Variants in RAB11FIP4 observed in about 807,000 individuals in gnomAD.
The protein encoded by RAB11FIP4 is rab11 family-interacting protein 4.
Under a neutral mutation model 74.3 loss-of-function variants are expected in RAB11FIP4, and 23 were observed. The ratio of observed to expected loss-of-function variants is 0.31; its 90% confidence interval spans 0.22 to 0.44. The LOEUF (loss-of-function observed/expected upper bound fraction) is 0.44. RAB11FIP4 is among the 20% of genes least tolerant of loss of function. The pLI is 1.00. For synonymous variants in RAB11FIP4, 360 were observed against 359.9 expected (o/e 1.00, Z 0.00); for missense variants, 630 against 863.9 (o/e 0.73, Z 3.39).
chr17:31,445,530 T>TA (rs2071443149), intron 3 of RAB11FIP4, among the ~76,000 whole-genome samples: 462 of 36,620 alleles, frequency 0.013, 15 homozygotes, highest in Non-Finnish European at 0.015. Flanking sequence ...ATTTTCCCAA[T>TA]TTTATATATA....
intron 1 of RAB11FIP4, chr17:31,392,799 A>ATGGGGAC (rs1439222365): frequency 1.3e-5 from 2 of 152,342 alleles, no homozygotes; most frequent in East Asian, 3.8e-4. Flanking sequence ...TGCCACCGGC[A>ATGGGGAC]TGGGGACTGG....
At chr17:31,455,770 C>T (rs1474605380) in intron 3 of RAB11FIP4, among the ~76,000 whole-genome samples, 1 of 152,234 alleles carries the variant, frequency 6.6e-6, no homozygotes, top group Admixed American at 6.5e-5. Context: ...CAGACCCCTT[C>T]TCCTCAAGGG....
chr17:31,392,912 A>G (rs929449869), intron 1 of RAB11FIP4, among the ~76,000 whole-genome samples: 4 of 152,174 alleles, frequency 2.6e-5, no homozygotes, highest in African/African-American at 9.6e-5. Flanking sequence ...AAGGCCATCT[A>G]AGGCCTCAGG....
chr17:31,533,882 G>A lies in RAB11FIP4; in HGVS notation c.*2150G>A, dbSNP rs1343766714. 6.6e-6 allele frequency: 1 copy of A among 152,174 alleles called. No individual in the cohort carries two copies. The highest frequency in any genetic ancestry group is 1.5e-5 in the Non-Finnish European group (1 of 68,018). 9.4% of individuals were successfully genotyped at this position (152,174 alleles called of 1,614,324 possible). A position where few individuals can be genotyped will look rare whatever the true frequency, so the allele number is the denominator to read the frequency against. ...CTGCAGTGCCAGAGGGGCCTCTGGA[G>A]CAGGCCTGGCTTTTAAATGGGGGGC... On this transcript the variant is annotated 3_prime_UTR_variant, in exon 15 of 15. Transcript: ENST00000621161.
chr17:31,469,969 A>C (rs995850806), intron 3 of RAB11FIP4, among the ~76,000 whole-genome samples: 1 of 152,230 alleles, frequency 6.6e-6, no homozygotes, highest in Non-Finnish European at 1.5e-5. Context: ...GCTGGAATTG[A>C]AATCTCCACC....
At position 31,521,333 on chromosome 17, in the gene RAB11FIP4, C is replaced by T. The variant is rs774768441; in HGVS notation, c.731C>T (p.Ser244Leu). The T allele has an allele frequency of 6.2e-7, 1 of 1,612,708 alleles. No homozygotes were observed. Among genetic ancestry groups the T allele is most frequent in the Non-Finnish European group, 8.5e-7 (1 of 1,179,250 alleles). Residue 244 changes from serine (S) to leucine (L), a missense_variant, in exon 5 of 15, where the codon TCG becomes TTG. Transcript: ENST00000621161. ...GATGAGACCAGGACCAACGTCTACT[C>T]GGACCTGGGGTCTTCGGTGTCTTCC... ...PDDETRTNVY[S>L]DLGSSVSSSA...
intron 5 of RAB11FIP4, 77 bp from the exon 6 acceptor site, chr17:31,521,838 A>C: frequency 6.4e-7 from 1 of 1,572,696 alleles, no homozygotes. Flanking sequence ...ACTCAAGTAA[A>C]GTCAGCTCAG....
chr17:31,452,615 A>G (rs145168047), intron 3 of RAB11FIP4, among the ~76,000 whole-genome samples: 2 of 152,246 alleles, frequency 1.3e-5, no homozygotes, highest in African/African-American at 4.8e-5. Flanking sequence ...GTCCTGTGCC[A>G]TCTTTCCCCC....
chr17:31,525,058 C>T, intron 9 of RAB11FIP4, 32 bp from the exon 10 acceptor site: 2 of 1,549,604 alleles, frequency 1.3e-6, no homozygotes, highest in Non-Finnish European at 1.7e-6. Context: ...ATGGTGCAGG[C>T]CCCAAGAGCT....
chr17:31,401,235 G>T (rs1305106215), intron 1 of RAB11FIP4, among the ~76,000 whole-genome samples: 2 of 151,454 alleles, frequency 1.3e-5, no homozygotes, highest in African/African-American at 4.9e-5. Flanking sequence ...TCACGCCACT[G>T]CACTCCAGCC....
chr17:31,487,339 C>G (rs994726148), intron 3 of RAB11FIP4, among the ~76,000 whole-genome samples: 3 of 152,168 alleles, frequency 2.0e-5, no homozygotes, highest in African/African-American at 7.2e-5. Flanking sequence ...AGGCTGGTCT[C>G]AAACTCCTGG....
At chr17:31,488,254 G>T (rs1597948468) in intron 3 of RAB11FIP4, 9 of 1,167,430 alleles carry the variant, frequency 7.7e-6, no homozygotes, top group Middle Eastern at 3.5e-4. Flanking sequence ...TGCGCACCCC[G>T]CCAGCTCTCG....
intron 1 of RAB11FIP4, among the ~76,000 whole-genome samples, chr17:31,393,598 C>T (rs2070898407): frequency 6.6e-6 from 1 of 152,236 alleles, no homozygotes; most frequent in African/African-American, 2.4e-5. Context: ...ACTCTAGAGA[C>T]AGACCTGCTT....
chr17:31,440,606 T>C (rs551532175), intron 3 of RAB11FIP4, among the ~76,000 whole-genome samples: 1 of 152,198 alleles, frequency 6.6e-6, no homozygotes, highest in Admixed American at 6.5e-5. Flanking sequence ...CCATCTCTAC[T>C]AAAAATACAA....
Position 31,505,494 on chromosome 17 carries a change from AATTAT to A in RAB11FIP4, c.337-12156_337-12152del, listed in dbSNP as rs1567681104. On this transcript the variant is annotated intron_variant, in intron 3 of 14. Transcript: ENST00000621161. ...ATAATAATTATAATATATAATATAT[AATTAT>A]TATATTATATATAATAATTATATAT... Among the ~76,000 whole-genome samples, 12 of 85,834 alleles carry A rather than the reference AATTAT, an allele frequency of 1.4e-4. 1 individual carries two copies. The highest frequency in any genetic ancestry group is 6.1e-4 in the African/African-American group (12 of 19,596). 56.3% of individuals were successfully genotyped at this position (85,834 alleles called of 152,430 possible). A position where few individuals can be genotyped will look rare whatever the true frequency, so the allele number is the denominator to read the frequency against.
chr17:31,475,196 T>C (rs1343212045), intron 3 of RAB11FIP4, among the ~76,000 whole-genome samples: 2 of 151,948 alleles, frequency 1.3e-5, no homozygotes, highest in Non-Finnish European at 1.5e-5. Context: ...TGCAGGTTGG[T>C]GTGTAGAGCT....
At chr17:31,519,403 A>C (rs1253510012) in intron 4 of RAB11FIP4, among the ~76,000 whole-genome samples, 1 of 152,210 alleles carries the variant, frequency 6.6e-6, no homozygotes, top group Non-Finnish European at 1.5e-5. Flanking sequence ...ATTTAAAAAC[A>C]GTATTAAGAC....
intron 3 of RAB11FIP4, chr17:31,465,563 T>G (rs993519320): frequency 1.3e-5 from 2 of 150,822 alleles, no homozygotes; most frequent in African/African-American, 4.9e-5. Context: ...GTGGTGCTCC[T>G]GTAGTCCCAG....
At chr17:31,393,982 T>G (rs2151611286) in intron 1 of RAB11FIP4, among the ~76,000 whole-genome samples, 1 of 152,300 alleles carries the variant, frequency 6.6e-6, no homozygotes, top group Middle Eastern at 3.4e-3. Flanking sequence ...AATGGGGCAC[T>G]GCACTCTGCT....
Sources: gnomAD v4.1 joint callset for allele counts (sites outside exome capture counted in the v4.1 genomes callset) on GRCh38, gnomAD v4.1.1 for gene constraint, MANE v1.5 for transcripts, NCBI Gene and HGNC (gene_info 2026-07-23, HGNC 2026-07-21) for gene names.